PDE4B: variants seen among roughly 807,000 people sequenced by gnomAD.
PDE4B encodes the protein 3',5'-cyclic-AMP phosphodiesterase 4B.
In PDE4B, 20 loss-of-function variants were observed where a neutral mutation model predicts 82.2. The observed-to-expected ratio is 0.24, with a 90% CI of 0.17 to 0.35. The LOEUF is 0.35. PDE4B is among the 10% of genes least tolerant of loss of function. The pLI is 1.00. For missense variants in PDE4B, 655 were observed against 907.2 expected (o/e 0.72, Z 3.57); for synonymous variants, 320 against 318.9 (o/e 1.00, Z -0.04).
At chr1:66,161,943 C>A (rs1332207500) in intron 3 of PDE4B, among the ~76,000 whole-genome samples, 5 of 152,104 alleles carry the variant, frequency 3.3e-5, no homozygotes, top group Non-Finnish European at 4.4e-5. Flanking sequence ...GTTCTATTAT[C>A]TTTAAAATGA....
At chr1:66,333,380 G>A (rs1660269230) in intron 8 of PDE4B, among the ~76,000 whole-genome samples, 1 of 152,102 alleles carries the variant, frequency 6.6e-6, no homozygotes, top group Admixed American at 6.5e-5. Flanking sequence ...AGTGAGAGTT[G>A]TTGCTTTTTG....
At chr1:66,257,151 G>A (rs1193166521) in intron 4 of PDE4B, among the ~76,000 whole-genome samples, 1 of 152,076 alleles carries the variant, frequency 6.6e-6, no homozygotes, top group Non-Finnish European at 1.5e-5. Context: ...CAAACAAAAA[G>A]TAATGGGATT....
intron 9 of PDE4B, 99 bp from the exon 10 acceptor site, chr1:66,361,516 G>A: frequency 1.2e-6 from 1 of 869,498 alleles, no homozygotes; most frequent in Non-Finnish European, 1.8e-6. Flanking sequence ...TATTTTATAA[G>A]ATTCTAAAGC....
intron 3 of PDE4B, among the ~76,000 whole-genome samples, chr1:66,097,942 C>G (rs142233624): frequency 6.7e-6 from 1 of 149,224 alleles, no homozygotes; most frequent in Non-Finnish European, 1.5e-5. Flanking sequence ...TCAGTTTGAT[C>G]CTTCTGAAGC....
intron 3 of PDE4B, among the ~76,000 whole-genome samples, chr1:66,091,442 C>T (rs866817280): frequency 2.6e-5 from 4 of 152,016 alleles, no homozygotes; most frequent in South Asian, 2.1e-4. Context: ...AATTTATCTT[C>T]GTGAATGTTA....
At chr1:66,226,724 C>T (rs765042103) in intron 3 of PDE4B, among the ~76,000 whole-genome samples, 7 of 152,064 alleles carry the variant, frequency 4.6e-5, no homozygotes, top group African/African-American at 1.4e-4. Flanking sequence ...TATAGGCTAT[C>T]GTAAGGATTT....
intron 1 of PDE4B, among the ~76,000 whole-genome samples, chr1:65,882,473 A>G (rs572092871): frequency 2.6e-5 from 4 of 152,314 alleles, no homozygotes; most frequent in Non-Finnish European, 2.9e-5. Context: ...TCTCAACAGC[A>G]TATTCTCTAA....
At chr1:66,296,761 A>G (rs1376068773) in intron 7 of PDE4B, among the ~76,000 whole-genome samples, 1 of 152,174 alleles carries the variant, frequency 6.6e-6, no homozygotes, top group Admixed American at 6.6e-5. Context: ...ATAATAGACC[A>G]TCAATAATTC....
chr1:66,131,592 G>GATAGATATAT (rs1645945246), intron 3 of PDE4B, among the ~76,000 whole-genome samples: 1 of 32,842 alleles, frequency 3.0e-5, no homozygotes, highest in Admixed American at 3.7e-4. Context: ...CTGAATGCCA[G>GATAGATATAT]ATATATATAT....
At chr1:66,164,750 C>A (rs370385274) in intron 3 of PDE4B, among the ~76,000 whole-genome samples, 1 of 122,964 alleles carries the variant, frequency 8.1e-6, no homozygotes, top group Non-Finnish European at 1.6e-5. Flanking sequence ...TTTTTCTTTT[C>A]TTTTCTTTTT....
chr1:65,967,155 A>AT (rs1649878402), intron 3 of PDE4B, among the ~76,000 whole-genome samples: 1 of 152,236 alleles, frequency 6.6e-6, no homozygotes, highest in African/African-American at 2.4e-5. Flanking sequence ...AAAGGCTAAT[A>AT]TCCAGAATCT....
Position 66,311,517 on chromosome 1 carries a change from A to G in PDE4B, c.635-20991A>G, listed in dbSNP as rs555217300. On this transcript the variant is annotated intron_variant, in intron 7 of 16. Coordinates refer to ENST00000341517, the MANE Select transcript of PDE4B (RefSeq NM_002600.4). Reference sequence around the variant, plus strand: ...GGCCTTTGCTTTCAATATGTTTACTATGCAGAAGGGAGGTTAGAATCCACA... The same window carrying G: ...GGCCTTTGCTTTCAATATGTTTACTGTGCAGAAGGGAGGTTAGAATCCACA... 7.2e-5 allele frequency among the ~76,000 whole-genome samples: 11 copies of G among 152,346 alleles called. No individual in the cohort carries two copies. The East Asian group carries it at 2.1e-3, about 29-fold the overall frequency.
intron 7 of PDE4B, among the ~76,000 whole-genome samples, chr1:66,326,249 C>A (rs555025838): frequency 6.6e-6 from 1 of 152,166 alleles, no homozygotes; most frequent in Non-Finnish European, 1.5e-5. Flanking sequence ...ACCAGAAAGA[C>A]AGCAAAGTGC....
At chr1:66,321,915 T>C (rs767851685) in intron 7 of PDE4B, among the ~76,000 whole-genome samples, 8 of 152,144 alleles carry the variant, frequency 5.3e-5, no homozygotes, top group Non-Finnish European at 1.2e-4. Context: ...CTACCTGACT[T>C]CAAACTATAC....
chr1:65,975,942 G>A (rs1650383417), intron 3 of PDE4B, among the ~76,000 whole-genome samples: 1 of 152,236 alleles, frequency 6.6e-6, no homozygotes, highest in African/African-American at 2.4e-5. Context: ...TACTAGGGTA[G>A]TGTGGAGGGG....
chr1:66,069,325 C>T (rs904450931), intron 3 of PDE4B, among the ~76,000 whole-genome samples: 6 of 151,960 alleles, frequency 3.9e-5, no homozygotes, highest in African/African-American at 1.2e-4. Context: ...CATAAAGCTT[C>T]GTTTATTGTG....
intron 1 of PDE4B, among the ~76,000 whole-genome samples, chr1:65,853,489 A>G (rs1048092303): frequency 2.0e-5 from 3 of 148,512 alleles, no homozygotes; most frequent in African/African-American, 7.4e-5. Context: ...ATTTAAAAAT[A>G]TTTTGTGTTA....
chr1:66,003,289 G>A (rs1651965304), intron 3 of PDE4B, among the ~76,000 whole-genome samples: 1 of 151,870 alleles, frequency 6.6e-6, no homozygotes, highest in Non-Finnish European at 1.5e-5. Flanking sequence ...GACCCAGTGT[G>A]AATAGCTTAC....
At chr1:66,315,613 G>A (rs1557696081) in intron 7 of PDE4B, among the ~76,000 whole-genome samples, 1 of 151,988 alleles carries the variant, frequency 6.6e-6, no homozygotes, top group Non-Finnish European at 1.5e-5. Flanking sequence ...ACGCCACCAC[G>A]CCGGGCTAAT....
Sources: gnomAD v4.1 joint callset for allele counts (sites outside exome capture counted in the v4.1 genomes callset) on GRCh38, gnomAD v4.1.1 for gene constraint, MANE v1.5 for transcripts, NCBI Gene and HGNC (gene_info 2026-07-23, HGNC 2026-07-21) for gene names.